Variants in S100A6 observed in about 807,000 individuals in gnomAD.
The protein encoded by S100A6 is S100 calcium binding protein A6, also known as protein S100-A6.
A neutral mutation model predicts 3.5 loss-of-function variants in S100A6; 3 were observed. The ratio of observed to expected loss-of-function variants is 0.87; its 90% CI spans 0.39 to 2.24. S100A6 has a LOEUF of 2.24. Among genes scored for constraint, S100A6 ranks in the 30% most tolerant of loss-of-function variants. The pLI is 0.05. For synonymous variants in S100A6, 48 were observed against 45.2 expected, an observed-to-expected ratio of 1.06 and a Z score of -0.25; for missense variants, 114 against 105.3, an observed-to-expected ratio of 1.08 and a Z score of -0.36.
intron 1 of S100A6, 102 bp from the exon 2 acceptor site, chr1:153,535,462 C>T (rs2101678769): frequency 8.0e-7 from 1 of 1,252,686 alleles, no homozygotes; most frequent in South Asian, 1.5e-5. Context: ...TGGAACCACC[C>T]AGTCTCAGGC....
rs749958198 is a variant in S100A6 at position 153,534,829 on chromosome 1, T to C, written c.140A>G (p.Lys47Arg). The change falls in exon 3 of 3, where the codon AAG becomes AGG. Residue 47 changes from lysine (K) to arginine (R), a missense_variant and splice_region_variant. Lys to Arg is a conservative substitution (Grantham distance 26, BLOSUM62 2). Transcript: ENST00000368719. ...LIQKELTIGS[K>R]LQDAEIARLM... ...CCTTGCAATTTCAGCATCCTGCAGC[T>C]TCTAATGTGTTAGAATGTGAAATCC... 6.2e-7 allele frequency: 1 copy of C among 1,610,818 alleles called. No individual in the cohort carries two copies. Among genetic ancestry groups the C allele is most frequent in the Non-Finnish European group, 8.5e-7 (1 of 1,179,124 alleles).
Position 153,534,997 on chromosome 1 carries a change from G to A in S100A6, c.139-167C>T, listed in dbSNP as rs1230442371. 6 of 1,105,306 alleles carry A rather than the reference G, an allele frequency of 5.4e-6. No homozygotes were observed. In the South Asian group the frequency reaches 7.7e-5, roughly 14 times the overall value. The allele number at this position is 1,105,306 out of a possible 1,614,324, so 68.5% of individuals were successfully genotyped here. On this transcript the variant is annotated intron_variant, in intron 2 of 2. Coordinates refer to ENST00000368719, the MANE Select transcript of S100A6 (RefSeq NM_014624.4). ...CTCCTCAGCTACTTCTCAGTTACTG[G>A]TCCTCATTTGGAGAGATGGATATCC...
In S100A6 at chr1:153,535,130, CCT is replaced by C. The variant is rs1483119309; in HGVS notation, c.138+70_138+71del. On this transcript the variant is annotated intron_variant, in intron 2 of 2. Coordinates refer to ENST00000368719, the MANE Select transcript of S100A6 (RefSeq NM_014624.4). ...AAATGTGAGTCAGATGCACCTGGCA[CCT>C]CTCTCTCCCCTAATCCTGCTTCCAA... 6.3e-6 allele frequency: 10 copies of C among 1,589,722 alleles called. No individual in the cohort carries two copies. In the Admixed American group the frequency reaches 1.5e-4, roughly 24 times the overall value.
chr1:153,535,085 C>A (rs1390972861), intron 2 of S100A6, 117 bp downstream of exon 2: 5 of 1,428,958 alleles, frequency 3.5e-6, no homozygotes, highest in Non-Finnish European at 4.8e-6. Flanking sequence ...ACATGTGGAC[C>A]AGGGCCTCAG....
At chr1:153,535,007 G>T in intron 2 of S100A6, 177 bp from the exon 3 acceptor site, 1 of 1,090,176 alleles carries the variant, frequency 9.2e-7, no homozygotes, top group Non-Finnish European at 1.3e-6. Context: ...GTCCTCATTT[G>T]GAGAGATGGA....
Position 153,534,765 on chromosome 1 carries a change from C to G in S100A6, c.204G>C (p.Val68=). ...EDLDRNKDQE[V]NFQEYVTFLG... Reference sequence around the variant, plus strand: ...GGAAGGTGACATACTCCTGGAAGTTCACCTCCTGGTCCTTGTTCCGGTCCA... The same window carrying G: ...GGAAGGTGACATACTCCTGGAAGTTGACCTCCTGGTCCTTGTTCCGGTCCA... Residue 68 remains valine (V), a synonymous_variant, in exon 3 of 3, where the codon GTG becomes GTC. Transcript: ENST00000368719. The G allele has an allele frequency of 6.2e-7, 1 of 1,614,020 alleles. No homozygotes were observed.
chr1:153,534,757 TG>T lies in S100A6; in HGVS notation c.211del (p.Gln71ArgfsTer12), dbSNP rs1392554279. On this transcript the variant is annotated frameshift_variant, in exon 3 of 3. Transcript: ENST00000368719. LOFTEE classifies it high-confidence loss of function. ...GGCCCCCAGGAAGGTGACATACTCC[TG>T]GAAGTTCACCTCCTGGTCCTTGTTC... is the stretch of plus-strand genomic sequence containing the variant. ...DRNKDQEVNF[Q>X]EYVTFLGALA... 6.2e-7 allele frequency: 1 copy of T among 1,614,054 alleles called. No individual in the cohort carries two copies. The highest frequency in any genetic ancestry group is 1.1e-5 in the South Asian group (1 of 91,076).
At chr1:153,535,044 G>A (rs1046000794) in intron 2 of S100A6, 158 bp downstream of exon 2, 9 of 1,149,838 alleles carry the variant, frequency 7.8e-6, no homozygotes, top group African/African-American at 3.1e-5. Flanking sequence ...TCCCCTACCC[G>A]CTGGGAGAGT....
intron 1 of S100A6, 143 bp from the exon 2 acceptor site, chr1:153,535,503 G>A: frequency 1.2e-6 from 1 of 852,724 alleles, no homozygotes; most frequent in East Asian, 2.7e-5. Flanking sequence ...GACAGCCCAG[G>A]GCTTGAAGGG....
intron 1 of S100A6, chr1:153,535,664 G>C: frequency 3.8e-6 from 1 of 266,208 alleles, no homozygotes; most frequent in Non-Finnish European, 7.3e-6. Context: ...GGGGAATGGA[G>C]GCTGCAAAGG....
At position 153,535,279 on chromosome 1, in the gene S100A6, C is replaced by G. The variant is rs115985480; in HGVS notation, c.61G>C (p.Gly21Arg). The G allele has an allele frequency of 1.2e-6, 2 of 1,614,160 alleles. No homozygotes were observed. Among genetic ancestry groups the G allele is most frequent in the Non-Finnish European group, 8.5e-7 (1 of 1,180,030 alleles). Residue 21 changes from glycine (G) to arginine (R), a missense_variant, in exon 2 of 3, where the codon GGC becomes CGC. Gly to Arg is a moderately radical substitution (Grantham distance 125). Coordinates refer to ENST00000368719, the MANE Select transcript of S100A6 (RefSeq NM_014624.4). ...AGGGTGTGCTTGTCACCCTCCCTGC[C>G]GGAGTACTTGTGGAAGATGGCCACG... is the stretch of plus-strand genomic sequence containing the variant. ...LLVAIFHKYS[G>R]REGDKHTLSK...
In S100A6 at chr1:153,535,190, G is replaced by A. The variant is rs1229273955; in HGVS notation, c.138+12C>T. On this transcript the variant is annotated intron_variant, in intron 2 of 2. Transcript: ENST00000368719. The stretch of plus-strand genomic sequence containing the variant: ...GGGTGGGAAAAGGGGTCCTGGGGAG[G>A]AGGCCACTCACCGAGCCAATGGTGA... The A allele has an allele frequency of 6.2e-7, 1 of 1,614,044 alleles. No individual in the cohort carries two copies. The highest frequency in any genetic ancestry group is 1.6e-4 in the Middle Eastern group (1 of 6,062).
chr1:153,535,113 G>T, intron 2 of S100A6, 89 bp downstream of exon 2: 1 of 1,551,612 alleles, frequency 6.4e-7, no homozygotes, highest in Non-Finnish European at 8.8e-7. Context: ...GTAAATGTGA[G>T]TCAGATGCAC....
At position 153,535,300 on chromosome 1, in the gene S100A6, C is replaced by T; in HGVS notation, c.40G>A (p.Ala14Thr). 3 of 1,614,146 alleles carry T rather than the reference C, an allele frequency of 1.9e-6. No homozygotes were observed. Among genetic ancestry groups the T allele is most frequent in the Non-Finnish European group, 2.5e-6 (3 of 1,180,026 alleles). The stretch of plus-strand genomic sequence containing the variant: ...CTGCCGGAGTACTTGTGGAAGATGG[C>T]CACGAGGAGGCCAATGGCCTGATCC... Reference protein sequence around the residue: ...PLDQAIGLLVAIFHKYSGREG... With the variant: ...PLDQAIGLLVTIFHKYSGREG... Residue 14 changes from alanine (A) to threonine (T), a missense_variant, in exon 2 of 3, where the codon GCC becomes ACC. By Grantham distance (58) the Ala-to-Thr change is moderately conservative. Transcript: ENST00000368719.
At chr1:153,535,431 C>T (rs1665157781) in intron 1 of S100A6, 71 bp from the exon 2 acceptor site, 4 of 1,500,476 alleles carry the variant, frequency 2.7e-6, no homozygotes, top group Non-Finnish European at 3.6e-6. Context: ...ATAATGCTGC[C>T]TGCACTAGCC....
rs768261996 is a variant in S100A6 at position 153,534,660 on chromosome 1, ACCC to A, written c.*33_*35del. On this transcript the variant is annotated 3_prime_UTR_variant, in exon 3 of 3. Transcript: ENST00000368719. ...CACCACTGGATTTGACTCAGAGAGG[ACCC>A]CCAGAGGGTGTCTCCATCTTCCCTA... is the stretch of plus-strand genomic sequence containing the variant. The A allele has an allele frequency of 1.3e-5, 20 of 1,535,844 alleles. No individual in the cohort carries two copies. In the East Asian group the frequency reaches 2.9e-4, roughly 22 times the overall value.
intron 1 of S100A6, 124 bp from the exon 2 acceptor site, chr1:153,535,484 G>T: frequency 9.7e-7 from 1 of 1,033,266 alleles, no homozygotes; most frequent in Non-Finnish European, 1.4e-6. Flanking sequence ...ACACACAATG[G>T]CATCAGGAGA....
chr1:153,535,111 G>A, intron 2 of S100A6, 91 bp downstream of exon 2: 4 of 1,543,674 alleles, frequency 2.6e-6, no homozygotes, highest in Non-Finnish European at 3.5e-6. Flanking sequence ...GGGTAAATGT[G>A]AGTCAGATGC....
At chr1:153,535,740 G>A (rs899599695) in intron 1 of S100A6, 10 of 175,858 alleles carry the variant, frequency 5.7e-5, no homozygotes, top group South Asian at 2.3e-4. Context: ...ACTCCCTTCC[G>A]CACCCCAAAA....
Sources: allele counts gnomAD v4.1 joint callset, GRCh38; gene constraint gnomAD v4.1.1; transcripts MANE v1.5; gene names NCBI Gene and HGNC (gene_info 2026-07-23, HGNC 2026-07-21).